The following GOLM1 variants were observed in gnomAD, a reference collection of about 807,000 sequenced individuals.
GOLM1 encodes golgi membrane protein 1.
A neutral mutation model predicts 50.5 loss-of-function variants in GOLM1; 31 were observed. That is an observed-to-expected ratio of 0.61 (90% confidence interval 0.46 to 0.83). The LOEUF (loss-of-function observed/expected upper bound fraction) is 0.83, where lower values mean the gene tolerates loss of function less well. GOLM1 is among the 40% of genes least tolerant of loss of function. The pLI is 0.00. For missense variants in GOLM1, 491 were observed against 501.3 expected, an observed-to-expected ratio of 0.98 and a Z score of 0.20; for synonymous variants, 178 against 192.8, an observed-to-expected ratio of 0.92 and a Z score of 0.64.
At chr9:86,064,826 G>A (rs932436279) in intron 3 of GOLM1, among the ~76,000 whole-genome samples, 8 of 152,216 alleles carry the variant, frequency 5.3e-5, no homozygotes, top group African/African-American at 1.9e-4. Context: ...GGTGGGGGAT[G>A]CAGCAGATCG....
chr9:86,093,605 G>GA (rs1275550087), intron 1 of GOLM1, among the ~76,000 whole-genome samples: 2 of 145,618 alleles, frequency 1.4e-5, no homozygotes, highest in African/African-American at 5.4e-5. Flanking sequence ...ATCAGAAAAG[G>GA]AAAAAACTGC....
chr9:86,035,671 T>TAAAA lies in GOLM1; in HGVS notation c.758-50_758-47dup, dbSNP rs375193474. ...GCTGTGACCTTGCCAGCATTTGATT[T>TAAAA]AAAAAAAAAAAAAAAAAAAAAAGCA... On this transcript the variant is annotated intron_variant, in intron 7 of 9. Coordinates refer to ENST00000388712, the MANE Select transcript of GOLM1 (RefSeq NM_016548.4). 1.5e-3 allele frequency: 1,283 copies of TAAAA among 872,696 alleles called. 20 individuals carry two copies. The African/African-American group carries it at 0.027, about 18-fold the overall frequency. 54.1% of individuals were successfully genotyped at this position (872,696 alleles called of 1,614,324 possible).
At chr9:86,077,648 A>C in intron 2 of GOLM1, 57 bp from the exon 3 acceptor site, 1 of 1,301,414 alleles carries the variant, frequency 7.7e-7, no homozygotes, top group Non-Finnish European at 1.1e-6. Context: ...AGCCTGGACC[A>C]CCTGAGCGCC....
In GOLM1 at chr9:86,056,597, C is replaced by T. The variant is rs1277898396; in HGVS notation, c.310-4006G>A. 1.1e-4 allele frequency among the ~76,000 whole-genome samples: 17 copies of T among 151,872 alleles called. No homozygotes were observed. In the East Asian group the frequency reaches 3.1e-3, roughly 28 times the overall value. On this transcript the variant is annotated intron_variant, in intron 3 of 9. Coordinates refer to ENST00000388712, the MANE Select transcript of GOLM1 (RefSeq NM_016548.4). Reference sequence around the variant, plus strand: ...CTTGGCTCAAAGCAACCTCCACCTCCCGGGTTCAAGCAATTCCCCTGCCTC... The same window carrying T: ...CTTGGCTCAAAGCAACCTCCACCTCTCGGGTTCAAGCAATTCCCCTGCCTC...
chr9:86,040,944 T>C, intron 5 of GOLM1, 76 bp from the exon 6 acceptor site: 1 of 1,426,500 alleles, frequency 7.0e-7, no homozygotes, highest in East Asian at 2.3e-5. Flanking sequence ...TCCACTTCCA[T>C]AAGAGACACA....
rs202205078 is a variant in GOLM1 at position 86,046,700 on chromosome 9, GGA to G, written c.365-130_365-129del. On this transcript the variant is annotated intron_variant, in intron 4 of 9. Transcript: ENST00000388712. Reference sequence around the variant, plus strand: ...CAAGGACAGATTGGGACAAAGGAGGGGAGAGAGAAAAAGCTGAAAACACAGTC... The same window carrying G: ...CAAGGACAGATTGGGACAAAGGAGGGGAGAGAAAAAGCTGAAAACACAGTC... The G allele has an allele frequency of 3.0e-3, 2,042 of 672,030 alleles. 32 individuals are homozygous for G. In the African/African-American group the frequency reaches 0.031, roughly 10 times the overall value. The allele number at this position is 672,030 out of a possible 1,614,324, so 41.6% of individuals were successfully genotyped here.
At chr9:86,029,063 T>G in intron 9 of GOLM1, among the ~76,000 whole-genome samples, 1 of 151,888 alleles carries the variant, frequency 6.6e-6, no homozygotes, top group East Asian at 1.9e-4. Context: ...TTCACCCTGT[T>G]AGCCAGGATG....
chr9:86,084,366 T>C (rs967042496), intron 1 of GOLM1, among the ~76,000 whole-genome samples: 1 of 152,176 alleles, frequency 6.6e-6, no homozygotes, highest in Non-Finnish European at 1.5e-5. Context: ...GTATCCCTGA[T>C]AATGAGGCAC....
At chr9:86,095,090 AAAAAG>A (rs977400220) in intron 1 of GOLM1, among the ~76,000 whole-genome samples, 30 of 149,506 alleles carry the variant, frequency 2.0e-4, no homozygotes, top group East Asian at 1.7e-3. Context: ...AAAAAAAAAG[AAAAAG>A]AAAAGAAAAG....
chr9:86,094,627 C>T (rs1835297604), intron 1 of GOLM1, among the ~76,000 whole-genome samples: 1 of 152,118 alleles, frequency 6.6e-6, no homozygotes, highest in Admixed American at 6.6e-5. Context: ...AAGGTTGAAC[C>T]ACCGTCAAGA....
intron 9 of GOLM1, among the ~76,000 whole-genome samples, chr9:86,029,788 C>A (rs1832912509): frequency 6.6e-6 from 1 of 152,216 alleles, no homozygotes; most frequent in Non-Finnish European, 1.5e-5. Context: ...ATTTTCTTTA[C>A]CTTACCTACT....
chr9:86,077,632 C>T, intron 2 of GOLM1, 41 bp from the exon 3 acceptor site: 1 of 1,496,502 alleles, frequency 6.7e-7, no homozygotes, highest in Non-Finnish European at 9.3e-7. Context: ...GCCAAGTTAC[C>T]TGAGGAGCCT....
chr9:86,054,893 T>C (rs377484245), intron 3 of GOLM1, among the ~76,000 whole-genome samples: 1 of 152,226 alleles, frequency 6.6e-6, no homozygotes, highest in Non-Finnish European at 1.5e-5. Context: ...TTTCTTACTG[T>C]GTCATCATCC....
At chr9:86,093,691 T>A (rs1835258007) in intron 1 of GOLM1, among the ~76,000 whole-genome samples, 1 of 152,210 alleles carries the variant, frequency 6.6e-6, no homozygotes, top group East Asian at 1.9e-4. Flanking sequence ...AGACAAAATG[T>A]TTGTAATTTA....
chr9:86,098,417 C>A (rs1457821951), intron 1 of GOLM1, among the ~76,000 whole-genome samples: 4 of 152,174 alleles, frequency 2.6e-5, no homozygotes, highest in African/African-American at 9.7e-5. Flanking sequence ...AACAAAGCCA[C>A]TCAAGCGCTG....
intron 3 of GOLM1, among the ~76,000 whole-genome samples, chr9:86,056,269 C>T (rs981898798): frequency 4.6e-5 from 7 of 151,878 alleles, no homozygotes; most frequent in African/African-American, 1.7e-4. Context: ...TGTTATCTTC[C>T]CCTATCTACT....
Position 86,033,368 on chromosome 9 carries a change from TCTC to T in GOLM1, c.1040_1042del (p.Gly347del), listed in dbSNP as rs1564339821. 8 of 1,611,672 alleles carry T rather than the reference TCTC, an allele frequency of 5.0e-6. No individual in the cohort carries two copies. Among genetic ancestry groups the T allele is most frequent in the Middle Eastern group, 1.7e-4 (1 of 6,054 alleles). On this transcript the variant is annotated inframe_deletion, in exon 9 of 10. Transcript: ENST00000388712. ...ATTTTCATCCATGTTGTAGTCATCT[TCTC>T]CTCTCAGTTTCTGCTGGTTTCTCCC... is the stretch of plus-strand genomic sequence containing the variant.
intron 6 of GOLM1, among the ~76,000 whole-genome samples, chr9:86,039,011 C>G (rs1405035228): frequency 6.6e-6 from 1 of 151,794 alleles, no homozygotes; most frequent in African/African-American, 2.4e-5. Flanking sequence ...AGTGAAAAAC[C>G]CCACAGAATT....
At chr9:86,045,037 C>G (rs1383386752) in intron 5 of GOLM1, among the ~76,000 whole-genome samples, 1 of 152,028 alleles carries the variant, frequency 6.6e-6, no homozygotes, top group African/African-American at 2.4e-5. Flanking sequence ...CTTAAAATCC[C>G]TTTTATCATC....
Sources: allele counts gnomAD v4.1 joint callset (sites outside exome capture counted in the v4.1 genomes callset), GRCh38; gene constraint gnomAD v4.1.1; transcripts MANE v1.5; gene names NCBI Gene and HGNC (gene_info 2026-07-23, HGNC 2026-07-21).